The following INO80 variants were observed in gnomAD, a reference collection of about 807,000 sequenced individuals.
INO80 encodes chromatin-remodeling ATPase INO80.
A neutral mutation model predicts 203.4 loss-of-function variants in INO80; 20 were observed. The observed-to-expected ratio is 0.10, with a 90% CI of 0.07 to 0.14. The LOEUF (loss-of-function observed/expected upper bound fraction) is 0.14. Among genes scored for constraint, INO80 ranks in the 10% least tolerant of loss-of-function variants. The pLI is 1.00. For synonymous variants in INO80, 726 were observed against 685.2 expected, an observed-to-expected ratio of 1.06 and a Z score of -0.93; for missense variants, 1,419 against 1,914.4, an observed-to-expected ratio of 0.74 and a Z score of 4.83.
At chr15:40,983,732 G>A (rs368589410) in intron 34 of INO80, 30 bp downstream of exon 34, 2 of 1,607,690 alleles carry the variant, frequency 1.2e-6, no homozygotes, top group Non-Finnish European at 1.7e-6. Flanking sequence ...AGTGGACCAG[G>A]CCCAAGCTGT....
At chr15:40,998,983 TACACACACACACACACAC>T (rs10650860) in intron 28 of INO80, among the ~76,000 whole-genome samples, 12 of 140,348 alleles carry the variant, frequency 8.6e-5, no homozygotes, top group Non-Finnish European at 1.2e-4. Flanking sequence ...AAGATTTATC[TACACACACACACACACAC>T]ACACACACAC....
In INO80 at chr15:40,999,908, C is replaced by T. The variant is rs936456134; in HGVS notation, c.3498-2307G>A. Among the ~76,000 whole-genome samples, 35 of 152,050 alleles carry T rather than the reference C, an allele frequency of 2.3e-4. 1 individual carries two copies. The highest frequency in any genetic ancestry group is 3.2e-3 in the Middle Eastern group (1 of 316). On this transcript the variant is annotated intron_variant, in intron 28 of 35. Coordinates refer to ENST00000648947, the MANE Select transcript of INO80 (RefSeq NM_017553.3). ...GAGTTCGAGATCAGCTTGGGCAATA[C>T]AGAAAGACCCTGCATCTACATAAAA...
At position 41,049,327 on chromosome 15, in the gene INO80, G is replaced by A. The variant is rs1010545147; in HGVS notation, c.2536C>T (p.Arg846Cys). The change falls in exon 21 of 36, where the codon CGT (arginine) becomes TGT (cysteine). Residue 846 changes from arginine (R) to cysteine (C), a missense_variant. Physicochemically the swap from Arg to Cys is radical, Grantham distance 180. Around this residue, in one of 9 missense-constraint regions of INO80, gnomAD observed 302 missense variants for 345.4 expected, o/e 0.87. Coordinates refer to ENST00000648947, the MANE Select transcript of INO80 (RefSeq NM_017553.3). ...KPYHISKFIY[R>C]HGQIRVFNHS... ...TTGAAGACCCTGATCTGTCCATGAC[G>A]GTAGATAAACTTTGAAATGTGGTAT... 5 of 1,613,670 alleles carry A rather than the reference G, an allele frequency of 3.1e-6. No homozygotes were observed. Among genetic ancestry groups the A allele is most frequent in the East Asian group, 2.2e-5 (1 of 44,872 alleles).
chr15:41,033,502 C>T (rs1289344092), intron 24 of INO80, among the ~76,000 whole-genome samples: 1 of 152,012 alleles, frequency 6.6e-6, no homozygotes, highest in African/African-American at 2.4e-5. Flanking sequence ...AACAAACAAA[C>T]AAACAAAATC....
chr15:40,982,786 T>A, intron 35 of INO80, 76 bp downstream of exon 35: 2 of 1,231,488 alleles, frequency 1.6e-6, no homozygotes, highest in Non-Finnish European at 2.3e-6. Context: ...GTTTCCTACA[T>A]GTTCTACCTG....
intron 1 of INO80, among the ~76,000 whole-genome samples, chr15:41,113,676 A>G (rs1461066418): frequency 1.3e-5 from 2 of 152,166 alleles, no homozygotes; most frequent in African/African-American, 4.8e-5. Flanking sequence ...CGCTGGCACA[A>G]TCATAGCTCA....
At chr15:41,042,255 C>T (rs2044680943) in intron 24 of INO80, among the ~76,000 whole-genome samples, 1 of 151,972 alleles carries the variant, frequency 6.6e-6, no homozygotes, top group Non-Finnish European at 1.5e-5. Context: ...CTCAAGGGAT[C>T]CGCCCACCTC....
chr15:41,101,474 A>G (rs2045805896), intron 1 of INO80, among the ~76,000 whole-genome samples: 1 of 151,306 alleles, frequency 6.6e-6, no homozygotes, highest in Non-Finnish European at 1.5e-5. Context: ...ATCCTCTTTT[A>G]TTTCACCTTA....
At chr15:41,091,702 T>A (rs536334759) in intron 5 of INO80, among the ~76,000 whole-genome samples, 2 of 143,332 alleles carry the variant, frequency 1.4e-5, no homozygotes, top group East Asian at 4.1e-4. Context: ...GTCGCCAGGC[T>A]GGAGTGCAGT....
intron 14 of INO80, among the ~76,000 whole-genome samples, chr15:41,065,034 GT>G (rs2045185083): frequency 6.6e-6 from 1 of 152,008 alleles, no homozygotes; most frequent in East Asian, 1.9e-4. Flanking sequence ...GTGTGGGGCT[GT>G]GTTCCAATAC....
chr15:41,032,424 A>C (rs78468748), intron 24 of INO80, among the ~76,000 whole-genome samples: 9,503 of 152,204 alleles, frequency 0.062, 393 homozygotes, highest in East Asian at 0.21. Flanking sequence ...GAGAAACACA[A>C]TAGTTTCCCA....
chr15:41,007,184 T>C (rs1433054903), intron 27 of INO80, among the ~76,000 whole-genome samples: 1 of 49,470 alleles, frequency 2.0e-5, no homozygotes, highest in African/African-American at 2.0e-4. Context: ...TTTTTTTTCT[T>C]TTTTTTTTTT....
intron 13 of INO80, 123 bp downstream of exon 13, chr15:41,070,344 G>A: frequency 2.3e-6 from 2 of 863,948 alleles, no homozygotes; most frequent in South Asian, 3.3e-5. Context: ...TCTGAGGCAA[G>A]AACCCAGTCC....
Position 41,095,941 on chromosome 15 carries a change from G to A in INO80, c.144-13C>T. 2 of 1,610,500 alleles carry A rather than the reference G, an allele frequency of 1.2e-6. No individual in the cohort carries two copies. The highest frequency in any genetic ancestry group is 1.7e-6 in the Non-Finnish European group (2 of 1,177,244). ...TTCACTGTCATCACTATAAATTGAA[G>A]AATGAGTCCACAATTACAGCTGACC... is the stretch of plus-strand genomic sequence containing the variant. On this transcript the variant is annotated splice_polypyrimidine_tract_variant and intron_variant, in intron 2 of 35. Coordinates refer to ENST00000648947, the MANE Select transcript of INO80 (RefSeq NM_017553.3).
chr15:40,999,801 G>C (rs1037741652), intron 28 of INO80, among the ~76,000 whole-genome samples: 1 of 152,106 alleles, frequency 6.6e-6, no homozygotes, highest in Non-Finnish European at 1.5e-5. Flanking sequence ...ACCACAATAA[G>C]GCTTCAAATA....
At chr15:41,005,289 T>C (rs2044024277) in intron 28 of INO80, 1 of 240,614 alleles carries the variant, frequency 4.2e-6, no homozygotes, top group Admixed American at 5.5e-5. Context: ...TATTATCCAT[T>C]GAGGAGGATC....
intron 28 of INO80, among the ~76,000 whole-genome samples, chr15:41,003,422 C>T (rs890162351): frequency 2.1e-4 from 30 of 145,896 alleles, no homozygotes; most frequent in Non-Finnish European, 1.0e-4. Context: ...CTCCAACTCC[C>T]GAATTCAAGT....
Position 41,066,857 on chromosome 15 carries a change from A to C in INO80, c.1782+2713T>G, listed in dbSNP as rs1416470779. 4.0e-5 allele frequency among the ~76,000 whole-genome samples: 6 copies of C among 151,650 alleles called. No individual in the cohort carries two copies. In the South Asian group the frequency reaches 1.0e-3, roughly 26 times the overall value. On this transcript the variant is annotated intron_variant, in intron 14 of 35. Transcript: ENST00000648947. ...AAAAAAAAAAAAAGCAAAAAAAAAA[A>C]AAAAAATCAAAAGAGGTGGCAACAC...
chr15:41,076,225 GTGGC>G (rs2045399963), intron 9 of INO80, among the ~76,000 whole-genome samples: 1 of 152,206 alleles, frequency 6.6e-6, no homozygotes, highest in East Asian at 1.9e-4. Flanking sequence ...GCCAGGCATG[GTGGC>G]AGGCGCCTGT....
Sources: gnomAD v4.1 joint callset for allele counts (sites outside exome capture counted in the v4.1 genomes callset) on GRCh38, gnomAD v4.1.1 for gene constraint, gnomAD v4.1.1 regional missense constraint, MANE v1.5 for transcripts, NCBI Gene and HGNC (gene_info 2026-07-23, HGNC 2026-07-21) for gene names.